ACYP2: variants seen among roughly 807,000 people sequenced by gnomAD.
The protein encoded by ACYP2 is acylphosphatase 2.
Under a neutral mutation model 11.2 loss-of-function variants are expected in ACYP2, and 12 were observed. That is an observed-to-expected ratio of 1.08 (90% CI 0.69 to 1.74). The LOEUF (loss-of-function observed/expected upper bound fraction) is 1.74. ACYP2 is among the 40% of genes most tolerant of loss of function. ACYP2 has a pLI of 0.00. For synonymous variants in ACYP2, 43 were observed against 32.2 expected, an observed-to-expected ratio of 1.33 and a Z score of -1.13; for missense variants, 134 against 101.9, an observed-to-expected ratio of 1.31 and a Z score of -1.35.
At chr2:53,973,844 G>T in intron 2 of ACYP2, 1 of 233,292 alleles carries the variant, frequency 4.3e-6, no homozygotes, top group Non-Finnish European at 8.1e-6. Flanking sequence ...TTTTGAATGT[G>T]GGATATATAT....
chr2:53,974,364 A>G (rs1384768655), intron 2 of ACYP2, among the ~76,000 whole-genome samples: 2 of 152,198 alleles, frequency 1.3e-5, no homozygotes, highest in African/African-American at 2.4e-5. Flanking sequence ...AGAGGAGGAA[A>G]GCAGGGAAGG....
At chr2:54,075,679 G>C (rs1423908182) in intron 4 of ACYP2, among the ~76,000 whole-genome samples, 1 of 151,932 alleles carries the variant, frequency 6.6e-6, no homozygotes, top group African/African-American at 2.4e-5. Flanking sequence ...CAGGTGTGGT[G>C]GTGCATGCCT....
At chr2:53,990,652 CAAA>C (rs80058534) in intron 2 of ACYP2, among the ~76,000 whole-genome samples, 3 of 49,572 alleles carry the variant, frequency 6.1e-5, no homozygotes, top group Non-Finnish European at 9.2e-5. Flanking sequence ...TCCGTCTTAC[CAAA>C]AAAAAAAAAA....
At chr2:54,205,827 C>T (rs1338228762) in intron 6 of ACYP2, among the ~76,000 whole-genome samples, 2 of 152,140 alleles carry the variant, frequency 1.3e-5, no homozygotes, top group African/African-American at 4.8e-5. Context: ...TCAGGATATT[C>T]ATCTGCAGCT....
intron 4 of ACYP2, among the ~76,000 whole-genome samples, chr2:54,092,457 A>G (rs1478505138): frequency 6.6e-6 from 1 of 152,130 alleles, no homozygotes; most frequent in Non-Finnish European, 1.5e-5. Context: ...GTTATCCTAT[A>G]ATCAGCCTTG....
intron 4 of ACYP2, among the ~76,000 whole-genome samples, chr2:54,094,173 C>T (rs980510394): frequency 1.3e-5 from 2 of 150,766 alleles, no homozygotes; most frequent in Admixed American, 1.3e-4. Flanking sequence ...GGTTGGCTTG[C>T]AAAAGAAAGG....
At chr2:54,286,259 C>A (rs1398063021) in intron 6 of ACYP2, among the ~76,000 whole-genome samples, 1 of 151,896 alleles carries the variant, frequency 6.6e-6, no homozygotes, top group Non-Finnish European at 1.5e-5. Context: ...CACTGTTTAC[C>A]CTCGTGATCT....
At chr2:54,123,125 A>G (rs945399931) in intron 4 of ACYP2, 19 of 374,334 alleles carry the variant, frequency 5.1e-5, no homozygotes, top group African/African-American at 3.1e-4. Context: ...TACCCAGTAG[A>G]TGAGTCACTG....
chr2:54,052,049 T>TAAATAAATAAATAAAC (rs1675893695), intron 3 of ACYP2, among the ~76,000 whole-genome samples: 1 of 85,784 alleles, frequency 1.2e-5, no homozygotes, highest in Non-Finnish European at 2.1e-5. Context: ...TCTGTCTCAA[T>TAAATAAATAAATAAAC]AAATAAATAA....
chr2:54,182,226 A>G (rs1463370854), intron 6 of ACYP2, among the ~76,000 whole-genome samples: 1 of 151,322 alleles, frequency 6.6e-6, no homozygotes, highest in African/African-American at 2.4e-5. Flanking sequence ...CGTCAGTCTA[A>G]TTTTTGTATT....
chr2:54,283,802 A>G (rs1688950624), intron 6 of ACYP2, among the ~76,000 whole-genome samples: 1 of 152,250 alleles, frequency 6.6e-6, no homozygotes, highest in Admixed American at 6.5e-5. Context: ...GAATGTAGAC[A>G]CTGATCTATT....
intron 6 of ACYP2, among the ~76,000 whole-genome samples, chr2:54,276,902 T>C (rs1688619694): frequency 1.3e-5 from 2 of 152,202 alleles, no homozygotes; most frequent in Admixed American, 6.5e-5. Flanking sequence ...TACATCCTGT[T>C]TTGCAACTTG....
intron 6 of ACYP2, among the ~76,000 whole-genome samples, chr2:54,230,173 C>T (rs1686170594): frequency 6.6e-6 from 1 of 152,084 alleles, no homozygotes; most frequent in Non-Finnish European, 1.5e-5. Flanking sequence ...ATAGAGAATC[C>T]CCTTCCCCTT....
At chr2:53,989,196 A>T (rs1173943184) in intron 2 of ACYP2, among the ~76,000 whole-genome samples, 1 of 151,896 alleles carries the variant, frequency 6.6e-6, no homozygotes, top group African/African-American at 2.4e-5. Flanking sequence ...GGCACCATCG[A>T]CTATTGTGAT....
intron 4 of ACYP2, among the ~76,000 whole-genome samples, chr2:54,098,524 T>C (rs950836617): frequency 6.6e-6 from 1 of 152,208 alleles, no homozygotes; most frequent in Non-Finnish European, 1.5e-5. Flanking sequence ...TTTAACTTGT[T>C]CTCCCGAGGC....
chr2:54,164,387 G>A (rs1413519721), intron 6 of ACYP2, among the ~76,000 whole-genome samples: 1 of 152,152 alleles, frequency 6.6e-6, no homozygotes, highest in African/African-American at 2.4e-5. Flanking sequence ...CTTTCAGCTG[G>A]GGGCAGGGTG....
At chr2:54,191,134 C>T (rs1684220920) in intron 6 of ACYP2, among the ~76,000 whole-genome samples, 1 of 152,096 alleles carries the variant, frequency 6.6e-6, no homozygotes, top group Admixed American at 6.6e-5. Flanking sequence ...GACTCAGCTC[C>T]CTGCTTTCCC....
At chr2:54,221,790 G>A (rs973641521) in intron 6 of ACYP2, among the ~76,000 whole-genome samples, 2 of 151,986 alleles carry the variant, frequency 1.3e-5, no homozygotes, top group Admixed American at 1.3e-4. Context: ...CCACAGTGCT[G>A]GGATTATAGA....
intron 6 of ACYP2, among the ~76,000 whole-genome samples, chr2:54,282,484 C>T (rs1438956858): frequency 6.6e-6 from 1 of 152,220 alleles, no homozygotes; most frequent in Non-Finnish European, 1.5e-5. Context: ...TGACCTGGAA[C>T]AAAGTTCTGC....
Sources: allele counts gnomAD v4.1 joint callset (sites outside exome capture counted in the v4.1 genomes callset), GRCh38; gene constraint gnomAD v4.1.1; transcripts MANE v1.5; gene names NCBI Gene and HGNC (gene_info 2026-07-23, HGNC 2026-07-21).